The following QTMAN variants were observed in gnomAD, a reference collection of about 807,000 sequenced individuals.
The protein encoded by QTMAN is tRNA-queuosine alpha-mannosyltransferase.
chr2:144,255,965 T>C, the QTMAN span, among the ~76,000 whole-genome samples: 3 of 152,218 alleles, frequency 2.0e-5, no homozygotes, highest in Non-Finnish European at 2.9e-5. Flanking sequence ...ATATTTCCTA[T>C]TCAGTTTTGC....
At chr2:144,040,794 T>C in the QTMAN span, among the ~76,000 whole-genome samples, 1 of 152,120 alleles carries the variant, frequency 6.6e-6, no homozygotes, top group Non-Finnish European at 1.5e-5. Flanking sequence ...CAAACCCAAA[T>C]ACTGACACAC....
At chr2:144,303,927 T>C in the QTMAN span, among the ~76,000 whole-genome samples, 6,397 of 152,276 alleles carry the variant, frequency 0.042, 437 homozygotes, top group African/African-American at 0.15. Flanking sequence ...CGGGAACAGA[T>C]ATCAGAGTTT....
chr2:144,113,379 G>C, the QTMAN span, among the ~76,000 whole-genome samples: 1 of 151,326 alleles, frequency 6.6e-6, no homozygotes, highest in Non-Finnish European at 1.5e-5. Context: ...ACCCTGAACA[G>C]AGAACAAGAA....
the QTMAN span, among the ~76,000 whole-genome samples, chr2:144,261,627 TA>T: frequency 6.6e-6 from 1 of 152,192 alleles, no homozygotes; most frequent in African/African-American, 2.4e-5. Flanking sequence ...CAGGAAATGC[TA>T]AAAAGTGTAG....
At chr2:144,038,312 C>CAT in the QTMAN span, among the ~76,000 whole-genome samples, 62,466 of 151,614 alleles carry the variant, frequency 0.41, 13,788 homozygotes, top group East Asian at 0.57. Context: ...ATATATATAA[C>CAT]ATATATATTA....
the QTMAN span, among the ~76,000 whole-genome samples, chr2:144,261,813 G>A: frequency 6.6e-6 from 1 of 152,126 alleles, no homozygotes; most frequent in Non-Finnish European, 1.5e-5. Flanking sequence ...TTGTTTTGCT[G>A]GAAGACAATG....
chr2:144,299,148 C>T, the QTMAN span, among the ~76,000 whole-genome samples: 1 of 152,158 alleles, frequency 6.6e-6, no homozygotes, highest in African/African-American at 2.4e-5. Context: ...CCTGTGACCC[C>T]AAGATAAAGT....
chr2:144,289,256 T>A, the QTMAN span, among the ~76,000 whole-genome samples: 1 of 152,178 alleles, frequency 6.6e-6, no homozygotes, highest in Non-Finnish European at 1.5e-5. Flanking sequence ...GGTCTCGATC[T>A]AACCTCGTGA....
chr2:144,097,459 A>T, the QTMAN span, among the ~76,000 whole-genome samples: 1 of 151,956 alleles, frequency 6.6e-6, no homozygotes, highest in Non-Finnish European at 1.5e-5. Context: ...CTTTCTGCTT[A>T]ACTGTCTCTG....
At chr2:144,178,017 G>A in the QTMAN span, among the ~76,000 whole-genome samples, 1 of 152,096 alleles carries the variant, frequency 6.6e-6, no homozygotes, top group African/African-American at 2.4e-5. Context: ...ACAGTCCTAA[G>A]AAGTGCAGAC....
chr2:144,172,471 A>C, the QTMAN span, among the ~76,000 whole-genome samples: 2 of 152,086 alleles, frequency 1.3e-5, no homozygotes, highest in South Asian at 4.2e-4. Context: ...AAATACAAAA[A>C]AAATTAGCAG....
At chr2:144,064,111 AGCAAT>A in the QTMAN span, among the ~76,000 whole-genome samples, 14 of 152,196 alleles carry the variant, frequency 9.2e-5, no homozygotes, top group African/African-American at 3.4e-4. Context: ...AAGCATAAGA[AGCAAT>A]GCAAAGTCAC....
At chr2:144,330,640 T>C in the QTMAN span, among the ~76,000 whole-genome samples, 1 of 152,238 alleles carries the variant, frequency 6.6e-6, no homozygotes, top group African/African-American at 2.4e-5. Flanking sequence ...TTTAATCTAA[T>C]GGGTCCAAAT....
the QTMAN span, among the ~76,000 whole-genome samples, chr2:144,196,993 G>A: frequency 6.6e-6 from 1 of 152,130 alleles, no homozygotes; most frequent in East Asian, 1.9e-4. Flanking sequence ...TCTGAGAAAG[G>A]TGCCATTAGG....
the QTMAN span, among the ~76,000 whole-genome samples, chr2:144,192,562 A>G: frequency 2.6e-5 from 4 of 152,226 alleles, no homozygotes; most frequent in Non-Finnish European, 5.9e-5. Context: ...AGTCTCAAGT[A>G]GCAAAAGTAA....
the QTMAN span, among the ~76,000 whole-genome samples, chr2:144,122,162 GTTTC>G: frequency 1.3e-5 from 2 of 152,008 alleles, no homozygotes; most frequent in African/African-American, 4.8e-5. Context: ...TGTAAATCAG[GTTTC>G]TTTAAGCTTC....
At chr2:144,128,838 A>C in the QTMAN span, among the ~76,000 whole-genome samples, 1 of 152,146 alleles carries the variant, frequency 6.6e-6, no homozygotes, top group East Asian at 1.9e-4. Flanking sequence ...TCTACAGTGG[A>C]AATGTAGTTG....
chr2:144,231,829 C>T, the QTMAN span, among the ~76,000 whole-genome samples: 1 of 148,686 alleles, frequency 6.7e-6, no homozygotes, highest in East Asian at 2.0e-4. Flanking sequence ...ATTCACTATA[C>T]ACAGAATGAA....
chr2:144,296,565 A>G, the QTMAN span, among the ~76,000 whole-genome samples: 1 of 152,230 alleles, frequency 6.6e-6, no homozygotes, highest in Non-Finnish European at 1.5e-5. Context: ...GCTAATACAC[A>G]AAGTATTTCA....
Sources: allele counts gnomAD v4.1 joint callset (sites outside exome capture counted in the v4.1 genomes callset), GRCh38; gene constraint gnomAD v4.1.1; transcripts MANE v1.5; gene names NCBI Gene and HGNC (gene_info 2026-07-23, HGNC 2026-07-21).